Variants in FILIP1 observed in about 807,000 individuals in gnomAD.
FILIP1 encodes the protein filamin-A-interacting protein 1.
A neutral mutation model predicts 102.1 loss-of-function variants in FILIP1; 61 were observed. That is an observed-to-expected ratio of 0.60 (90% confidence interval 0.49 to 0.74). The LOEUF is 0.74. Ranked by LOEUF, FILIP1 falls within the 30% of genes least tolerant of loss-of-function variation. The pLI, the probability that FILIP1 is intolerant of heterozygous loss-of-function variation, is 0.00. For missense variants in FILIP1, 1,314 were observed against 1,441.2 expected (o/e 0.91, Z 1.43); for synonymous variants, 491 against 526.9 (o/e 0.93, Z 0.93).
chr6:75,386,573 C>T (rs531801667), intron 2 of FILIP1, among the ~76,000 whole-genome samples: 3 of 152,242 alleles, frequency 2.0e-5, no homozygotes, highest in South Asian at 2.1e-4. Flanking sequence ...TCACATTCAG[C>T]GGGATGAGTT....
chr6:75,335,659 A>G (rs1359288796), intron 4 of FILIP1, among the ~76,000 whole-genome samples: 2 of 152,160 alleles, frequency 1.3e-5, no homozygotes, highest in Non-Finnish European at 2.9e-5. Context: ...TATGTTATGA[A>G]ATTTCATTTC....
chr6:75,317,292 T>C (rs1773476762), intron 4 of FILIP1, among the ~76,000 whole-genome samples: 1 of 152,174 alleles, frequency 6.6e-6, no homozygotes, highest in African/African-American at 2.4e-5. Context: ...GTGATGACCT[T>C]GAGAAGCAGG....
chr6:75,292,657 T>C (rs769888143), exon 7 of FILIP1: 1 of 152,212 alleles, frequency 6.6e-6, no homozygotes, highest in Non-Finnish European at 1.5e-5. Flanking sequence ...AGCAGAGGCA[T>C]AGCACTGGAG....
chr6:75,298,373 T>C lies in FILIP1; in HGVS notation c.3494-2423A>G, dbSNP rs528250009. 7.2e-5 allele frequency among the ~76,000 whole-genome samples: 11 copies of C among 152,368 alleles called. No individual in the cohort carries two copies. The East Asian group carries it at 2.1e-3, about 29-fold the overall frequency. On this transcript the variant is annotated intron_variant, in intron 6 of 6. Transcript: ENST00000393004. Reference sequence around the variant, plus strand: ...AATAAAGGGTGGTATTTAATACTTATGTACATAAACTTTATTTAAAAGAAT... The same window carrying C: ...AATAAAGGGTGGTATTTAATACTTACGTACATAAACTTTATTTAAAAGAAT...
chr6:75,313,365 A>G lies in FILIP1; in HGVS notation c.2467T>C (p.Phe823Leu). ...TCTTCCTGGAAGGATTTCCGTATGA[A>G]TACAGCTGGCGTTTCTTCCTCTGCT... ...EAAEEETPAV[F>L]IRKSFQEENH... Residue 823 changes from phenylalanine to leucine, a missense_variant, in exon 5 of 6, where the codon TTC becomes CTC. Physicochemically the swap from Phe to Leu is conservative, Grantham distance 22. This residue lies in a region of FILIP1 where 816 missense variants were observed against 913.1 expected (regional missense o/e 0.89). Transcript: ENST00000237172. This position sits in a 1 kb window ranked among gnomAD's most constrained non-coding sequence, Gnocchi z 4.2. 6.2e-7 allele frequency: 1 copy of G among 1,614,212 alleles called. No individual in the cohort carries two copies. Among genetic ancestry groups the G allele is most frequent in the Non-Finnish European group, 8.5e-7 (1 of 1,180,036 alleles).
intron 1 of FILIP1, among the ~76,000 whole-genome samples, chr6:75,416,586 C>CAAA (rs35413915): frequency 5.4e-5 from 7 of 130,614 alleles, no homozygotes; most frequent in South Asian, 4.8e-4. Flanking sequence ...AGCCCCAATC[C>CAAA]AAAAAAAAAA....
intron 2 of FILIP1, among the ~76,000 whole-genome samples, chr6:75,392,744 T>A (rs1255620503): frequency 2.0e-5 from 3 of 152,168 alleles, no homozygotes; most frequent in Admixed American, 6.6e-5. Context: ...AGGGACCCAG[T>A]GAGAGATGGT....
At chr6:75,404,383 C>T (rs1467536979) in intron 2 of FILIP1, among the ~76,000 whole-genome samples, 1 of 152,148 alleles carries the variant, frequency 6.6e-6, no homozygotes, top group Admixed American at 6.5e-5. Flanking sequence ...TGGGCACCGT[C>T]TCATCAACAC....
intron 1 of FILIP1, among the ~76,000 whole-genome samples, chr6:75,442,453 G>T (rs1462800975): frequency 6.6e-6 from 1 of 152,242 alleles, no homozygotes; most frequent in Non-Finnish European, 1.5e-5. Context: ...CTGCACTCCA[G>T]CCTGGGCACC....
intron 1 of FILIP1, among the ~76,000 whole-genome samples, chr6:75,439,365 C>CAAAAA (rs11321756): frequency 6.8e-6 from 1 of 146,694 alleles, no homozygotes; most frequent in African/African-American, 2.5e-5. Flanking sequence ...AGACTCCGTC[C>CAAAAA]AAAAAAAAAA....
In FILIP1 at chr6:75,459,695, T is replaced by C. The variant is rs116286613; in HGVS notation, c.-7+33719A>G. Among the ~76,000 whole-genome samples, 693 of 152,290 alleles carry C rather than the reference T, an allele frequency of 4.6e-3. 5 individuals are homozygous for C. Among genetic ancestry groups the C allele is most frequent in the African/African-American group, 0.016 (654 of 41,556 alleles). ...CTACATTCCCTTTTAGACACATAAT[T>C]TTCTGTTACTTTTTGATCCACTGAT... On this transcript the variant is annotated intron_variant, in intron 1 of 5. Coordinates refer to ENST00000237172, the MANE Select transcript of FILIP1 (RefSeq NM_015687.5).
intron 2 of FILIP1, among the ~76,000 whole-genome samples, chr6:75,394,088 G>T (rs920005736): frequency 6.6e-5 from 10 of 152,114 alleles, no homozygotes; most frequent in African/African-American, 2.4e-4. Flanking sequence ...AGAGGTGATA[G>T]CTGCTTCTTG....
chr6:75,427,541 G>A (rs1777667423), intron 1 of FILIP1, among the ~76,000 whole-genome samples: 1 of 152,122 alleles, frequency 6.6e-6, no homozygotes, highest in Admixed American at 6.6e-5. Context: ...TGACTGTACA[G>A]CTCCTCTCAG....
chr6:75,450,015 G>A (rs1339129444), intron 1 of FILIP1, among the ~76,000 whole-genome samples: 4 of 152,030 alleles, frequency 2.6e-5, no homozygotes, highest in Admixed American at 2.0e-4. Context: ...CTTACTGTAC[G>A]GCAGCTTTTA....
exon 7 of FILIP1, chr6:75,295,767 C>T (rs770791503): frequency 2.1e-6 from 1 of 467,930 alleles, no homozygotes. Flanking sequence ...TACATTATAT[C>T]CTTAAAAAAA....
chr6:75,386,574 G>A (rs1167633184), intron 2 of FILIP1, among the ~76,000 whole-genome samples: 4 of 152,108 alleles, frequency 2.6e-5, no homozygotes, highest in Admixed American at 2.0e-4. Flanking sequence ...CACATTCAGC[G>A]GGATGAGTTC....
intron 1 of FILIP1, among the ~76,000 whole-genome samples, chr6:75,447,213 G>A (rs753905951): frequency 2.6e-5 from 4 of 152,028 alleles, no homozygotes; most frequent in East Asian, 1.9e-4. Flanking sequence ...GAAAGAAAAC[G>A]GTTATAAACA....
intron 1 of FILIP1, among the ~76,000 whole-genome samples, chr6:75,456,696 A>G (rs1778841464): frequency 6.6e-6 from 1 of 151,532 alleles, no homozygotes; most frequent in Admixed American, 6.6e-5. Context: ...AGTAACTGGG[A>G]TTACAGGCAC....
At chr6:75,412,046 G>A (rs1010606718) in intron 2 of FILIP1, among the ~76,000 whole-genome samples, 2 of 152,138 alleles carry the variant, frequency 1.3e-5, no homozygotes, top group Non-Finnish European at 2.9e-5. Flanking sequence ...TCCTATCCAT[G>A]AGCATGGAAT....
Sources: gnomAD v4.1 joint callset for allele counts (sites outside exome capture counted in the v4.1 genomes callset) on GRCh38, gnomAD v4.1.1 for gene constraint, gnomAD v4.1.1 regional missense constraint, Gnocchi (gnomAD v3.1) non-coding constraint, MANE v1.5 for transcripts, NCBI Gene and HGNC (gene_info 2026-07-23, HGNC 2026-07-21) for gene names.